CARD10: variants seen among roughly 807,000 people sequenced by gnomAD.
CARD10 encodes caspase recruitment domain family member 10, also known as caspase recruitment domain-containing protein 10.
CARD10 carries 49 observed loss-of-function variants against 114.6 expected under a neutral mutation model. The observed-to-expected ratio is 0.43, with a 90% CI of 0.34 to 0.54. The LOEUF is 0.54. Ranked by LOEUF, CARD10 falls within the 20% of genes least tolerant of loss-of-function variation. The pLI is 0.03. For missense variants in CARD10, 1,206 were observed against 1,397.2 expected, an observed-to-expected ratio of 0.86 and a Z score of 2.18; for synonymous variants, 602 against 593.2, an observed-to-expected ratio of 1.01 and a Z score of -0.21.
rs371564400 is a variant in CARD10, at chr22:37,491,243, G to A, written c.3015C>T (p.Arg1005=). Residue 1005 remains arginine, a synonymous_variant, in exon 20 of 20, where the codon CGC becomes CGT. Transcript: ENST00000251973. ...GGGCCTGCTCCTGCAGGATGCGGCC[G>A]CGCACCACCTTGGCCAGCTCCTCTG... ...GHAEELAKVV[R]GRILQEQARL... is the part of the protein sequence containing the mutation. The A allele has an allele frequency of 6.1e-5, 96 of 1,566,298 alleles. No homozygotes were observed. In the South Asian group the frequency reaches 7.4e-4, roughly 12 times the overall value.
intron 14 of CARD10, 65 bp downstream of exon 14, chr22:37,495,695 G>A: frequency 1.9e-6 from 3 of 1,609,950 alleles, no homozygotes; most frequent in Non-Finnish European, 2.5e-6. Flanking sequence ...GGTGGAGGGA[G>A]AGCACCCCCA....
intron 4 of CARD10, chr22:37,509,212 G>A (rs946210218): frequency 1.1e-5 from 15 of 1,362,034 alleles, no homozygotes; most frequent in Non-Finnish European, 1.4e-5. Flanking sequence ...ATGGCCAGGA[G>A]GCAGGCCCAT....
intron 1 of CARD10, 24 bp from the exon 2 acceptor site, chr22:37,518,132 C>T: frequency 3.1e-6 from 5 of 1,607,916 alleles, no homozygotes; most frequent in Non-Finnish European, 4.3e-6. Flanking sequence ...GGGGGATGTA[C>T]CCAGGGTCTA....
At chr22:37,517,625 A>G (rs977392436) in intron 2 of CARD10, among the ~76,000 whole-genome samples, 2 of 151,650 alleles carry the variant, frequency 1.3e-5, no homozygotes, top group Non-Finnish European at 2.9e-5. Flanking sequence ...CTGGTGACAG[A>G]GCAAGACACT....
Position 37,507,951 on chromosome 22 carries a change from G to A in CARD10, c.1069C>T (p.Leu357=), listed in dbSNP as rs908728394. The change falls in exon 6 of 20, where the codon CTG becomes TTG. Residue 357 remains leucine (L), a synonymous_variant. Coordinates refer to ENST00000251973, the MANE Select transcript of CARD10 (RefSeq NM_014550.4). ...QWAEELRDQY[L]QEMEDLRLKH... ...AGCCGCAGGTCTTCCATCTCCTGCAGGTACTGAGGGTGGCACGGGGCGGGG... is the reference window on the plus strand; with the variant it reads ...AGCCGCAGGTCTTCCATCTCCTGCAAGTACTGAGGGTGGCACGGGGCGGGG... 1 of 1,614,136 alleles carries A rather than the reference G, an allele frequency of 6.2e-7. No individual in the cohort carries two copies. The highest frequency in any genetic ancestry group is 1.7e-5 in the Admixed American group (1 of 60,026).
At chr22:37,491,472 G>T (rs9622628) in intron 19 of CARD10, 79 bp from the exon 20 acceptor site, 1 of 1,038,732 alleles carries the variant, frequency 9.6e-7, no homozygotes, top group South Asian at 1.7e-5. Flanking sequence ...GACAGACAAA[G>T]GGGGAAGAGT....
At chr22:37,491,420 C>T in intron 19 of CARD10, 27 bp from the exon 20 acceptor site, 1 of 1,431,774 alleles carries the variant, frequency 7.0e-7, no homozygotes. Flanking sequence ...GAGCAGCGGT[C>T]AAAGTGGGGG....
chr22:37,492,862 T>C lies in CARD10; in HGVS notation c.2477-60A>G. On this transcript the variant is annotated intron_variant, in intron 16 of 19. Transcript: ENST00000251973. This position sits in a 1 kb window ranked among gnomAD's most constrained non-coding sequence, Gnocchi z 5.7. ...CACAGGCAGGCAGCATACCAGCTCG[T>C]CGATACCCCAAAACCCACCCCGCCA... 6.5e-7 allele frequency: 1 copy of C among 1,547,836 alleles called. No individual in the cohort carries two copies. Among genetic ancestry groups the C allele is most frequent in the Non-Finnish European group, 8.7e-7 (1 of 1,149,270 alleles).
rs529467901 is a variant in CARD10 at position 37,510,579 on chromosome 22, G to A, written c.700-158C>T. ...CAGGCTTGTCTATGAAAACAGGACA[G>A]GCTGGACAGATATAAAACAAACAGG... is the stretch of plus-strand genomic sequence containing the variant. On this transcript the variant is annotated intron_variant, in intron 3 of 19. Coordinates refer to ENST00000251973, the MANE Select transcript of CARD10 (RefSeq NM_014550.4). The A allele has an allele frequency of 1.6e-5, 10 of 630,886 alleles. No homozygotes were observed. The South Asian group carries it at 2.0e-4, about 13-fold the overall frequency. The allele number at this position is 630,886 out of a possible 1,614,324, so 39.1% of individuals were successfully genotyped here.
chr22:37,491,255 G>A lies in CARD10; in HGVS notation c.3003C>T (p.Ala1001=). 6.4e-7 allele frequency: 1 copy of A among 1,567,828 alleles called. No individual in the cohort carries two copies. Among genetic ancestry groups the A allele is most frequent in the Non-Finnish European group, 8.6e-7 (1 of 1,162,074 alleles). ...AHEWGHAEEL[A]KVVRGRILQE... is the part of the protein sequence containing the mutation. ...GCAGGATGCGGCCGCGCACCACCTT[G>A]GCCAGCTCCTCTGCGTGTCCCCACT... The change falls in exon 20 of 20, where the codon GCC becomes GCT. Residue 1001 remains alanine, a synonymous_variant. Transcript: ENST00000251973.
rs762155044 is a variant in CARD10, at chr22:37,502,597, A to C, written c.1787+5T>G. Reference sequence around the variant, plus strand: ...AGCTCCACCCACTGCAGGCAGCTACAGTACCTGTTGAGGAAGTCCAGGCCA... The same window carrying C: ...AGCTCCACCCACTGCAGGCAGCTACCGTACCTGTTGAGGAAGTCCAGGCCA... On this transcript the variant is annotated splice_donor_5th_base_variant and intron_variant, in intron 11 of 19. Transcript: ENST00000251973. The C allele has an allele frequency of 3.1e-6, 5 of 1,613,374 alleles. No homozygotes were observed. Among genetic ancestry groups the C allele is most frequent in the Non-Finnish European group, 4.2e-6 (5 of 1,179,724 alleles).
At chr22:37,493,998 A>C in intron 16 of CARD10, 88 bp downstream of exon 16, 1 of 1,003,430 alleles carries the variant, frequency 1.0e-6, no homozygotes, top group South Asian at 1.4e-5. Flanking sequence ...CAGGCCAAAG[A>C]GGCCACCCAA....
In CARD10 at chr22:37,515,767, C is replaced by T. The variant is rs34846357; in HGVS notation, c.699+206G>A. On this transcript the variant is annotated intron_variant, in intron 3 of 19. Transcript: ENST00000251973. ...GTGACAACCAGAAATATTTCCTAGACATGGCCAGATGTTTCTAGGGGGTCA... is the reference window on the plus strand; with the variant it reads ...GTGACAACCAGAAATATTTCCTAGATATGGCCAGATGTTTCTAGGGGGTCA... Among the ~76,000 whole-genome samples, 1,163 of 152,232 alleles carry T rather than the reference C, an allele frequency of 7.6e-3. 13 individuals are homozygous for T. Among genetic ancestry groups the T allele is most frequent in the African/African-American group, 0.027 (1,107 of 41,510 alleles).
chr22:37,497,494 C>T lies in CARD10; in HGVS notation c.1788-316G>A, dbSNP rs117900981. Among the ~76,000 whole-genome samples the T allele has an allele frequency of 4.2e-4, 64 of 152,300 alleles. 1 individual carries two copies. In the East Asian group the frequency reaches 0.012, roughly 28 times the overall value. On this transcript the variant is annotated intron_variant, in intron 11 of 19. Transcript: ENST00000251973. Reference sequence around the variant, plus strand: ...TCCATCAGAACGAACACCTTCAGGACCAAACTTCTATACTGTTCCGCTCTG... The same window carrying T: ...TCCATCAGAACGAACACCTTCAGGATCAAACTTCTATACTGTTCCGCTCTG...
chr22:37,518,251 T>C (rs1259142967), intron 1 of CARD10, 143 bp from the exon 2 acceptor site: 2 of 734,120 alleles, frequency 2.7e-6, no homozygotes, highest in South Asian at 1.8e-5. Context: ...TCCCAACACA[T>C]CAGGGAAGAG....
chr22:37,491,676 G>A (rs1341707485), intron 19 of CARD10, 79 bp downstream of exon 19: 3 of 714,136 alleles, frequency 4.2e-6, no homozygotes, highest in Non-Finnish European at 4.9e-6. Context: ...GAGAGAGAGG[G>A]GGGAGGGAGA....
At chr22:37,507,712 AAC>A in intron 6 of CARD10, 115 bp downstream of exon 6, 1 of 1,320,804 alleles carries the variant, frequency 7.6e-7, no homozygotes, top group Non-Finnish European at 1.1e-6. Context: ...GTCCTAACCC[AAC>A]AGGGAGCGGC....
At chr22:37,502,929 C>T (rs577957332) in intron 10 of CARD10, among the ~76,000 whole-genome samples, 52 of 152,356 alleles carry the variant, frequency 3.4e-4, no homozygotes, top group African/African-American at 1.1e-3. Context: ...TGAAAGGTGG[C>T]CCAGAACTGA....
chr22:37,498,610 CCTCT>C (rs1923094891), intron 11 of CARD10, among the ~76,000 whole-genome samples: 1 of 152,184 alleles, frequency 6.6e-6, no homozygotes, highest in African/African-American at 2.4e-5. Context: ...ACAGCCCCGC[CCTCT>C]CAGGTAAGAC....
Sources: gnomAD v4.1 joint callset for allele counts (sites outside exome capture counted in the v4.1 genomes callset) on GRCh38, gnomAD v4.1.1 for gene constraint, Gnocchi (gnomAD v3.1) non-coding constraint, MANE v1.5 for transcripts, NCBI Gene and HGNC (gene_info 2026-07-23, HGNC 2026-07-21) for gene names.